Variants in RXRA observed in about 807,000 individuals in gnomAD.
The protein encoded by RXRA is retinoid X receptor alpha.
In RXRA, 5 loss-of-function variants were observed where a neutral mutation model predicts 44.5. The observed-to-expected ratio is 0.11, with a 90% CI of 0.06 to 0.24. RXRA has a LOEUF of 0.24. Among genes scored for constraint, RXRA ranks in the 10% least tolerant of loss-of-function variants. The probability of loss-of-function intolerance (pLI) is 1.00; values close to 1 mark genes in which losing one functional copy is unlikely to be tolerated. For missense variants in RXRA, 412 were observed against 646.5 expected (o/e 0.64, Z 3.93); for synonymous variants, 291 against 271.4 (o/e 1.07, Z -0.71).
intron 4 of RXRA, among the ~76,000 whole-genome samples, chr9:134,409,710 A>G (rs537961801): frequency 5.0e-4 from 76 of 152,164 alleles, no homozygotes; most frequent in South Asian, 5.0e-3. Context: ...CAGTTTCCCC[A>G]TCTGTCACAT....
chr9:134,391,025 C>T (rs1830791429), intron 1 of RXRA, among the ~76,000 whole-genome samples: 2 of 152,164 alleles, frequency 1.3e-5, no homozygotes, highest in South Asian at 4.1e-4. Context: ...GGACTCTGTC[C>T]ACCGCGTGGC....
At chr9:134,389,594 G>A (rs1433768423) in intron 1 of RXRA, among the ~76,000 whole-genome samples, 2 of 152,224 alleles carry the variant, frequency 1.3e-5, no homozygotes, top group Admixed American at 1.3e-4. Flanking sequence ...GATGGTGACA[G>A]AGTGGACATT....
At chr9:134,351,727 C>T (rs781859568) in intron 1 of RXRA, among the ~76,000 whole-genome samples, 18 of 152,240 alleles carry the variant, frequency 1.2e-4, no homozygotes, top group Non-Finnish European at 2.2e-4. Context: ...TAATTAAGGC[C>T]GAGATGTAAT....
rs529880447 is a variant in RXRA at position 134,365,958 on chromosome 9, G to A, written c.29-35674G>A. Among the ~76,000 whole-genome samples the A allele has an allele frequency of 2.0e-4, 31 of 152,230 alleles. No homozygotes were observed. The highest frequency in any genetic ancestry group is 3.4e-4 in the Non-Finnish European group (23 of 68,006). On this transcript the variant is annotated intron_variant, in intron 1 of 9. Transcript: ENST00000481739. This position sits in a 1 kb window ranked among gnomAD's most constrained non-coding sequence, Gnocchi z 4.0. ...TGTGGCTGCCTCCAGTCAGGCGTCC[G>A]CTGAGCGACCCCTAGGAGCCGCCTG...
intron 1 of RXRA, among the ~76,000 whole-genome samples, chr9:134,387,554 G>A (rs923976861): frequency 1.3e-5 from 2 of 152,250 alleles, no homozygotes; most frequent in African/African-American, 4.8e-5. Context: ...TGGATGCCAG[G>A]CGAGGCTGTG....
intron 4 of RXRA, among the ~76,000 whole-genome samples, chr9:134,410,927 G>A (rs939613536): frequency 6.6e-6 from 1 of 152,194 alleles, no homozygotes; most frequent in Non-Finnish European, 1.5e-5. Context: ...CAGATAACCA[G>A]GGGGGGCCCA....
intron 1 of RXRA, among the ~76,000 whole-genome samples, chr9:134,348,799 G>A (rs1173320750): frequency 3.3e-5 from 5 of 152,200 alleles, no homozygotes; most frequent in Admixed American, 6.5e-5. Context: ...AAGACTTCCC[G>A]GACGCTGGAC....
At chr9:134,436,075 GCC>G (rs773229363) in intron 9 of RXRA, among the ~76,000 whole-genome samples, 4 of 152,180 alleles carry the variant, frequency 2.6e-5, no homozygotes, top group Non-Finnish European at 5.9e-5. Flanking sequence ...CGAACTCCTG[GCC>G]TCAAGCCATC....
chr9:134,393,122 G>A (rs1263498195), intron 1 of RXRA, among the ~76,000 whole-genome samples: 2 of 152,188 alleles, frequency 1.3e-5, no homozygotes, highest in Non-Finnish European at 2.9e-5. Flanking sequence ...CAGCGTCTGG[G>A]GCATCGGACC....
intron 6 of RXRA, chr9:134,425,933 G>A (rs1488011253): frequency 3.0e-6 from 3 of 985,278 alleles, no homozygotes; most frequent in Non-Finnish European, 3.6e-6. Context: ...AGACAGGAAC[G>A]TGGCTGAGCC....
intron 1 of RXRA, among the ~76,000 whole-genome samples, chr9:134,371,274 C>T (rs974738144): frequency 1.3e-5 from 2 of 152,202 alleles, no homozygotes; most frequent in African/African-American, 4.8e-5. Context: ...CCTTGACCCC[C>T]CCAGGCCTCT....
rs576695411 is a variant in RXRA at position 134,361,055 on chromosome 9, G to A, written c.28+34396G>A. 7.4e-4 allele frequency among the ~76,000 whole-genome samples: 113 copies of A among 152,338 alleles called. 1 individual carries two copies. The highest frequency in any genetic ancestry group is 2.2e-3 in the African/African-American group (91 of 41,588). The stretch of plus-strand genomic sequence containing the variant: ...GATGTGGCGAGTGCTGCCTCACCCC[G>A]GCCCTGCCAGGCATCTTATCTGATG... On this transcript the variant is annotated intron_variant, in intron 1 of 9. Transcript: ENST00000481739.
At chr9:134,410,832 T>C (rs938331077) in intron 4 of RXRA, among the ~76,000 whole-genome samples, 4 of 152,194 alleles carry the variant, frequency 2.6e-5, no homozygotes, top group African/African-American at 9.7e-5. Flanking sequence ...CCCTGCGAGC[T>C]TGGGGGCAGA....
chr9:134,394,370 C>T (rs1011693064), intron 1 of RXRA, among the ~76,000 whole-genome samples: 3 of 151,926 alleles, frequency 2.0e-5, no homozygotes, highest in Admixed American at 6.6e-5. Context: ...GTTTTCCTGC[C>T]GAGGCCCTTT....
intron 1 of RXRA, among the ~76,000 whole-genome samples, chr9:134,361,047 C>G (rs948802511): frequency 6.6e-6 from 1 of 152,248 alleles, no homozygotes; most frequent in African/African-American, 2.4e-5. Flanking sequence ...CGAGTGCTGC[C>G]TCACCCCGGC....
chr9:134,434,562 A>G (rs877954), intron 9 of RXRA, among the ~76,000 whole-genome samples: 83,390 of 152,114 alleles, frequency 0.55, 24,778 homozygotes, highest in Non-Finnish European at 0.66. Context: ...TAGGTACTTC[A>G]CAAGCATGTG....
chr9:134,412,479 C>T (rs1476435186), intron 4 of RXRA, among the ~76,000 whole-genome samples: 1 of 152,206 alleles, frequency 6.6e-6, no homozygotes, highest in South Asian at 2.1e-4. Flanking sequence ...CCGGCAAAGG[C>T]CCACTCTGGC....
In RXRA at chr9:134,425,555, GGGGGGGGTGA is replaced by G. The variant is rs1395528362; in HGVS notation, c.911-3546_911-3537del. On this transcript the variant is annotated intron_variant, in intron 6 of 9. Coordinates refer to ENST00000481739, the MANE Select transcript of RXRA (RefSeq NM_002957.6). The stretch of plus-strand genomic sequence containing the variant: ...CTGCGTGGCGGCAGGGTGGGGGGTG[GGGGGGGGTGA>G]GGGGGGTGGGGGGAATGGAAGTGGG... The G allele has an allele frequency of 8.1e-6, 6 of 740,996 alleles. No individual in the cohort carries two copies. In the African/African-American group the frequency reaches 9.1e-5, roughly 11 times the overall value. The allele number at this position is 740,996 out of a possible 1,614,324, so 45.9% of individuals were successfully genotyped here. A position where few individuals can be genotyped will look rare whatever the true frequency, so the allele number is the denominator to read the frequency against.
chr9:134,396,863 C>G (rs1488364017), intron 1 of RXRA, among the ~76,000 whole-genome samples: 1 of 152,210 alleles, frequency 6.6e-6, no homozygotes, highest in African/African-American at 2.4e-5. Flanking sequence ...CAGACCCTGC[C>G]GCGATTGGCC....
Sources: gnomAD v4.1 joint callset for allele counts (sites outside exome capture counted in the v4.1 genomes callset) on GRCh38, gnomAD v4.1.1 for gene constraint, Gnocchi (gnomAD v3.1) non-coding constraint, MANE v1.5 for transcripts, NCBI Gene and HGNC (gene_info 2026-07-23, HGNC 2026-07-21) for gene names.